Variants in CNTNAP5 observed in about 807,000 individuals in gnomAD.
CNTNAP5 encodes contactin associated protein family member 5.
In CNTNAP5, 72 loss-of-function variants were observed where a neutral mutation model predicts 150.2. The observed-to-expected ratio is 0.48, with a 90% CI of 0.40 to 0.58. The LOEUF (loss-of-function observed/expected upper bound fraction) is 0.58, where lower values mean the gene tolerates loss of function less well. CNTNAP5 is among the 20% of genes least tolerant of loss of function. The pLI, the probability that CNTNAP5 is intolerant of heterozygous loss-of-function variation, is 0.00. For synonymous variants in CNTNAP5, 672 were observed against 619.8 expected, an observed-to-expected ratio of 1.08 and a Z score of -1.25; for missense variants, 1,636 against 1,626.2, an observed-to-expected ratio of 1.01 and a Z score of -0.10.
chr2:124,353,286 C>CAAAAAAAAAAAAAAAAAAAAAAA (rs565907115), intron 3 of CNTNAP5, among the ~76,000 whole-genome samples: 7 of 88,260 alleles, frequency 7.9e-5, no homozygotes, highest in Non-Finnish European at 1.1e-4. Flanking sequence ...AAAAACAGAC[C>CAAAAAAAAAAAAAAAAAAAAAAA]AAAAAAAAAA....
At chr2:124,666,309 T>C (rs903139877) in intron 13 of CNTNAP5, among the ~76,000 whole-genome samples, 3 of 152,184 alleles carry the variant, frequency 2.0e-5, no homozygotes, top group Non-Finnish European at 2.9e-5. Flanking sequence ...AAGCTTTGTC[T>C]AAAAATTTGG....
chr2:124,862,538 G>A (rs930126494), intron 19 of CNTNAP5, among the ~76,000 whole-genome samples: 16 of 152,210 alleles, frequency 1.1e-4, no homozygotes, highest in African/African-American at 3.9e-4. Flanking sequence ...CCTGAGGATA[G>A]CGGGAATAAC....
chr2:124,045,840 CAG>C (rs1416044482), intron 1 of CNTNAP5, among the ~76,000 whole-genome samples: 1 of 152,138 alleles, frequency 6.6e-6, no homozygotes, highest in African/African-American at 2.4e-5. Context: ...AGGCCTCTCA[CAG>C]AGAGTCTTGC....
chr2:124,478,593 G>A (rs1693695894), intron 7 of CNTNAP5, among the ~76,000 whole-genome samples: 1 of 151,968 alleles, frequency 6.6e-6, no homozygotes, highest in Non-Finnish European at 1.5e-5. Flanking sequence ...GAGAAGCAAT[G>A]GTTTGCACTG....
chr2:124,456,654 T>A (rs1373123307), intron 6 of CNTNAP5, among the ~76,000 whole-genome samples: 1 of 152,160 alleles, frequency 6.6e-6, no homozygotes, highest in Non-Finnish European at 1.5e-5. Flanking sequence ...TCACATTACC[T>A]GATTTCAAAC....
At position 124,025,387 on chromosome 2, in the gene CNTNAP5, G is replaced by A. The variant is rs1415980390; in HGVS notation, c.-264G>A. The A allele has an allele frequency of 1.1e-5, 6 of 531,570 alleles. No individual in the cohort carries two copies. The highest frequency in any genetic ancestry group is 3.3e-5 in the East Asian group (1 of 30,502). The allele number at this position is 531,570 out of a possible 1,614,324, so 32.9% of individuals were successfully genotyped here. On this transcript the variant is annotated 5_prime_UTR_variant, in exon 1 of 24. Transcript: ENST00000682447. ...TGGATTTGCACCGTTAAGGAGGGGG[G>A]AAGAGAAGGAAGAGGCGGGCGAGGA...
chr2:124,154,027 T>C (rs536787275), intron 1 of CNTNAP5, among the ~76,000 whole-genome samples: 18 of 152,188 alleles, frequency 1.2e-4, no homozygotes, highest in Middle Eastern at 3.4e-3. Flanking sequence ...CCAGCGGAGA[T>C]TGGCTTTCAA....
chr2:124,541,199 TGAGAAGAA>T (rs1695376803), intron 10 of CNTNAP5, among the ~76,000 whole-genome samples: 8 of 142,840 alleles, frequency 5.6e-5, no homozygotes, highest in East Asian at 2.1e-4. Flanking sequence ...TTTTTTTTGG[TGAGAAGAA>T]ATTTTTTCAC....
chr2:124,741,022 T>TA (rs1680487204), intron 13 of CNTNAP5, among the ~76,000 whole-genome samples: 1 of 152,176 alleles, frequency 6.6e-6, no homozygotes, highest in Non-Finnish European at 1.5e-5. Context: ...ACTCCACCCC[T>TA]AAACCCACTG....
intron 10 of CNTNAP5, among the ~76,000 whole-genome samples, chr2:124,539,925 C>G (rs1444506847): frequency 6.6e-6 from 1 of 152,166 alleles, no homozygotes; most frequent in African/African-American, 2.4e-5. Flanking sequence ...ATCTCTTGGA[C>G]ATGATTTACT....
chr2:124,456,139 G>A (rs1693113500), intron 6 of CNTNAP5, among the ~76,000 whole-genome samples: 1 of 152,142 alleles, frequency 6.6e-6, no homozygotes, highest in South Asian at 2.1e-4. Context: ...GCTGTTTGCT[G>A]ATTATATGAT....
chr2:124,743,480 C>T (rs1405567286), intron 13 of CNTNAP5, among the ~76,000 whole-genome samples: 3 of 152,166 alleles, frequency 2.0e-5, no homozygotes, highest in South Asian at 2.1e-4. Context: ...GAAGCAGGCT[C>T]TATGTGAACC....
At chr2:124,194,366 CATATATATATATATATATATAT>C (rs1189694569) in intron 1 of CNTNAP5, among the ~76,000 whole-genome samples, 1 of 101,228 alleles carries the variant, frequency 9.9e-6, no homozygotes, top group African/African-American at 4.1e-5. Context: ...TAAATTAGGT[CATATATATATATATATATATAT>C]ATATATATAT....
At chr2:124,139,349 C>G (rs966859051) in intron 1 of CNTNAP5, among the ~76,000 whole-genome samples, 5 of 151,882 alleles carry the variant, frequency 3.3e-5, no homozygotes, top group African/African-American at 9.7e-5. Flanking sequence ...CACCTTCATA[C>G]CATTGAATAA....
At chr2:124,800,578 CA>C (rs920656744) in intron 19 of CNTNAP5, among the ~76,000 whole-genome samples, 2 of 152,172 alleles carry the variant, frequency 1.3e-5, no homozygotes, top group Non-Finnish European at 2.9e-5. Context: ...TTCTTAACCA[CA>C]AGGGCTAAAC....
chr2:124,645,608 G>A (rs1458454736), intron 12 of CNTNAP5, among the ~76,000 whole-genome samples: 1 of 152,186 alleles, frequency 6.6e-6, no homozygotes, highest in African/African-American at 2.4e-5. Flanking sequence ...AAACACTGGG[G>A]ACATGTGGGT....
rs980101927 is a variant in CNTNAP5, at chr2:124,918,377, A to G, written c.*4089A>G. 6.6e-6 allele frequency among the ~76,000 whole-genome samples: 1 copy of G among 152,034 alleles called. No homozygotes were observed. Among genetic ancestry groups the G allele is most frequent in the East Asian group, 1.9e-4 (1 of 5,164 alleles). On this transcript the variant is annotated 3_prime_UTR_variant, in exon 24 of 24. Transcript: ENST00000682447. ...ACTGAAGTCTACCCTTCCATCAGTA[A>G]TTGACTAAAAAAATGTTGTCCATTT...
chr2:124,228,343 G>A (rs1421836488), intron 2 of CNTNAP5, among the ~76,000 whole-genome samples: 1 of 152,122 alleles, frequency 6.6e-6, no homozygotes, highest in Non-Finnish European at 1.5e-5. Context: ...TATTTCTACT[G>A]ATTCAAATGC....
At chr2:124,646,515 T>C (rs1333262773) in intron 12 of CNTNAP5, among the ~76,000 whole-genome samples, 1 of 152,240 alleles carries the variant, frequency 6.6e-6, no homozygotes, top group Non-Finnish European at 1.5e-5. Context: ...TCAGAATTTA[T>C]GAAGAGTAAT....
Sources: allele counts gnomAD v4.1 joint callset (sites outside exome capture counted in the v4.1 genomes callset), GRCh38; gene constraint gnomAD v4.1.1; transcripts MANE v1.5; gene names NCBI Gene and HGNC (gene_info 2026-07-23, HGNC 2026-07-21).